The following GOLGA4 variants were observed in gnomAD, a reference collection of about 807,000 sequenced individuals.
The protein encoded by GOLGA4 is golgin subfamily A member 4.
In GOLGA4, 169 loss-of-function variants were observed where a neutral mutation model predicts 265.9. The observed-to-expected ratio is 0.64, with a 90% CI of 0.56 to 0.72. The LOEUF (loss-of-function observed/expected upper bound fraction) is 0.72. GOLGA4 is among the 30% of genes least tolerant of loss of function. The pLI, the probability that GOLGA4 is intolerant of heterozygous loss-of-function variation, is 0.00. For missense variants in GOLGA4, 2,482 were observed against 2,483.4 expected (o/e 1.00, Z 0.01); for synonymous variants, 923 against 855.8 (o/e 1.08, Z -1.37).
chr3:37,325,094 G>A lies in GOLGA4; in HGVS notation c.3208G>A (p.Glu1070Lys), dbSNP rs775477731. 1 of 1,612,824 alleles carries A rather than the reference G, an allele frequency of 6.2e-7. No homozygotes were observed. Among genetic ancestry groups the A allele is most frequent in the Non-Finnish European group, 8.5e-7 (1 of 1,179,328 alleles). The change falls in exon 14 of 24, where the codon GAA becomes AAA. Residue 1070 changes from glutamate (E) to lysine (K), a missense_variant. Physicochemically the swap from Glu to Lys is moderately conservative, Grantham distance 56 (BLOSUM62 1). Transcript: ENST00000361924. ...EIHEIQLQEK[E>K]QEVAELKQKI... Reference sequence around the variant, plus strand: ...ACATGAAATCCAATTACAGGAAAAAGAACAAGAGGTAGCAGAACTGAAACA... The same window carrying A: ...ACATGAAATCCAATTACAGGAAAAAAAACAAGAGGTAGCAGAACTGAAACA...
At chr3:37,312,174 A>G (rs1348908287) in intron 10 of GOLGA4, among the ~76,000 whole-genome samples, 2 of 152,194 alleles carry the variant, frequency 1.3e-5, no homozygotes, top group African/African-American at 4.8e-5. Context: ...GCTGGATAAT[A>G]ATGAAAAGGG....
intron 2 of GOLGA4, among the ~76,000 whole-genome samples, chr3:37,270,069 T>G (rs1309677631): frequency 2.0e-5 from 3 of 151,546 alleles, no homozygotes; most frequent in African/African-American, 7.3e-5. Flanking sequence ...AACTTTTTTA[T>G]TTTTAGTAGA....
intron 17 of GOLGA4, among the ~76,000 whole-genome samples, chr3:37,335,799 C>G (rs984120976): frequency 6.7e-6 from 1 of 148,854 alleles, no homozygotes; most frequent in African/African-American, 2.5e-5. Context: ...AAAATTGACA[C>G]TATGAAAGGT....
chr3:37,310,931 C>G lies in GOLGA4; in HGVS notation c.1235-4489C>G, dbSNP rs150240337. On this transcript the variant is annotated intron_variant, in intron 10 of 23. Transcript: ENST00000361924. ...GTGACTGATGCACGCTTTATTTCTC[C>G]CCACTCACTTATCTTTTGTTGGGAA... is the stretch of plus-strand genomic sequence containing the variant. Among the ~76,000 whole-genome samples, 37 of 152,224 alleles carry G rather than the reference C, an allele frequency of 2.4e-4. No homozygotes were observed. The East Asian group carries it at 4.2e-3, about 17-fold the overall frequency.
intron 16 of GOLGA4, among the ~76,000 whole-genome samples, chr3:37,332,462 G>C (rs544380119): frequency 1.6e-3 from 238 of 152,188 alleles, no homozygotes; most frequent in African/African-American, 5.3e-3. Flanking sequence ...AGCTATGAAC[G>C]TGCCTCTGCA....
At chr3:37,328,630 T>C in intron 15 of GOLGA4, 93 bp downstream of exon 15, 2 of 1,132,244 alleles carry the variant, frequency 1.8e-6, no homozygotes, top group Non-Finnish European at 2.5e-6. Context: ...GTGCATTAAG[T>C]CATTAAACTG....
intron 2 of GOLGA4, among the ~76,000 whole-genome samples, chr3:37,274,744 C>G (rs1199561648): frequency 1.3e-5 from 2 of 151,752 alleles, no homozygotes; most frequent in Non-Finnish European, 2.9e-5. Context: ...CATTTGCTGA[C>G]TTTGGTTTTA....
At chr3:37,338,119 T>C (rs1312055353) in intron 19 of GOLGA4, among the ~76,000 whole-genome samples, 1 of 152,232 alleles carries the variant, frequency 6.6e-6, no homozygotes, top group Non-Finnish European at 1.5e-5. Flanking sequence ...ATGGACAATA[T>C]ATGTAAGTCA....
chr3:37,288,000 C>T (rs1176462124), intron 4 of GOLGA4, among the ~76,000 whole-genome samples: 6 of 152,060 alleles, frequency 3.9e-5, no homozygotes. Flanking sequence ...TCATAACTTA[C>T]CAAGTTTAAT....
chr3:37,331,504 T>G (rs1355577197), intron 16 of GOLGA4, among the ~76,000 whole-genome samples: 2 of 152,252 alleles, frequency 1.3e-5, no homozygotes, highest in African/African-American at 4.8e-5. Flanking sequence ...ATTGCTTTGA[T>G]TCAAATCCAT....
intron 1 of GOLGA4, among the ~76,000 whole-genome samples, chr3:37,248,932 A>C (rs2096726701): frequency 6.6e-6 from 1 of 152,216 alleles, no homozygotes; most frequent in South Asian, 2.1e-4. Flanking sequence ...GATTTCTTAG[A>C]CATGATAGAA....
intron 2 of GOLGA4, among the ~76,000 whole-genome samples, chr3:37,265,532 A>G (rs146462609): frequency 2.0e-5 from 3 of 152,258 alleles, no homozygotes; most frequent in Admixed American, 6.5e-5. Flanking sequence ...GTTCTTTACT[A>G]TGCATTTTTA....
intron 19 of GOLGA4, 133 bp from the exon 20 acceptor site, chr3:37,339,991 C>A: frequency 4.7e-6 from 2 of 428,520 alleles, no homozygotes; most frequent in Non-Finnish European, 8.6e-6. Context: ...TTGCTCTAAA[C>A]CATTTGTCTT....
chr3:37,255,160 T>C (rs2096745068), intron 2 of GOLGA4, among the ~76,000 whole-genome samples: 1 of 151,862 alleles, frequency 6.6e-6, no homozygotes, highest in Admixed American at 6.6e-5. Context: ...TCATCATTAT[T>C]ATTATTATTA....
At chr3:37,253,271 C>T (rs1246675226) in intron 2 of GOLGA4, among the ~76,000 whole-genome samples, 1 of 151,230 alleles carries the variant, frequency 6.6e-6, no homozygotes, top group Non-Finnish European at 1.5e-5. Context: ...AAGCCTGGTT[C>T]CCATCCATTT....
intron 4 of GOLGA4, among the ~76,000 whole-genome samples, chr3:37,286,682 C>G (rs1420033402): frequency 6.6e-6 from 1 of 152,170 alleles, no homozygotes; most frequent in Non-Finnish European, 1.5e-5. Flanking sequence ...TCTCAGTCTA[C>G]AGGTTGCTTC....
chr3:37,254,322 A>G lies in GOLGA4; in HGVS notation c.162+2838A>G, dbSNP rs185179039. Reference sequence around the variant, plus strand: ...TGTATATACTCTGTACTTTTATGCAACTTTATCAGATCATTTCAGTATATG... The same window carrying G: ...TGTATATACTCTGTACTTTTATGCAGCTTTATCAGATCATTTCAGTATATG... On this transcript the variant is annotated intron_variant, in intron 2 of 23. Coordinates refer to ENST00000361924, the MANE Select transcript of GOLGA4 (RefSeq NM_002078.5). Among the ~76,000 whole-genome samples, 57 of 152,266 alleles carry G rather than the reference A, an allele frequency of 3.7e-4. No homozygotes were observed. The East Asian group carries it at 4.8e-3, about 13-fold the overall frequency.
intron 2 of GOLGA4, among the ~76,000 whole-genome samples, chr3:37,252,954 G>A (rs949054075): frequency 1.1e-4 from 17 of 152,176 alleles, no homozygotes; most frequent in African/African-American, 3.9e-4. Flanking sequence ...ATGAACAGAA[G>A]TTCTTAGTTT....
In GOLGA4 at chr3:37,327,686, G is replaced by C. The variant is rs372038726; in HGVS notation, c.5800G>C (p.Gly1934Arg). 6.2e-7 allele frequency: 1 copy of C among 1,613,934 alleles called. No homozygotes were observed. Among genetic ancestry groups the C allele is most frequent in the South Asian group, 1.1e-5 (1 of 91,066 alleles). The change falls in exon 14 of 24, where the codon GGG (glycine) becomes CGG (arginine). Residue 1934 changes from glycine (G) to arginine (R), a missense_variant. Transcript: ENST00000361924. The part of the protein sequence containing the change: ...QHNDLEFKLA[G>R]AEREKQKLGK... ...CAATGATCTGGAGTTTAAATTAGCC[G>C]GGGCAGAACGGGAGAAACAGAAACT...
Sources: gnomAD v4.1 joint callset for allele counts (sites outside exome capture counted in the v4.1 genomes callset) on GRCh38, gnomAD v4.1.1 for gene constraint, MANE v1.5 for transcripts, NCBI Gene and HGNC (gene_info 2026-07-23, HGNC 2026-07-21) for gene names.